ANXA10: variants seen among roughly 807,000 people sequenced by gnomAD.
The protein encoded by ANXA10 is annexin A10, also known as annexin 14.
Under a neutral mutation model 53.5 loss-of-function variants are expected in ANXA10, and 49 were observed. The ratio of observed to expected loss-of-function variants is 0.92; its 90% CI spans 0.73 to 1.16. ANXA10 has a LOEUF of 1.16. Among genes scored for constraint, ANXA10 ranks in the 50% most tolerant of loss-of-function variants. The pLI is 0.00. For missense variants in ANXA10, 393 were observed against 394.4 expected (o/e 1.00, Z 0.03); for synonymous variants, 131 against 128.9 (o/e 1.02, Z -0.11).
chr4:168,149,879 T>G (rs1363899822), intron 3 of ANXA10, among the ~76,000 whole-genome samples: 1 of 152,210 alleles, frequency 6.6e-6, no homozygotes, highest in Non-Finnish European at 1.5e-5. Flanking sequence ...TTTCTTCTAG[T>G]TCACGCTGCT....
chr4:168,163,711 G>T (rs1197281538), intron 4 of ANXA10, among the ~76,000 whole-genome samples: 3 of 152,048 alleles, frequency 2.0e-5, no homozygotes, highest in Non-Finnish European at 4.4e-5. Flanking sequence ...GTCTGCAAGA[G>T]ACCACAGAAA....
chr4:168,156,580 T>A (rs1731688027), intron 3 of ANXA10, among the ~76,000 whole-genome samples: 1 of 150,732 alleles, frequency 6.6e-6, no homozygotes, highest in East Asian at 2.0e-4. Context: ...CTCAGCTCAC[T>A]GCAAGCTCTG....
chr4:168,106,008 T>C (rs1730714741), intron 1 of ANXA10, among the ~76,000 whole-genome samples: 1 of 152,132 alleles, frequency 6.6e-6, no homozygotes, highest in Admixed American at 6.5e-5. Context: ...TTTGTAGATA[T>C]GTTTAAGTTG....
intron 8 of ANXA10, chr4:168,178,254 T>C (rs557130646): frequency 2.4e-5 from 10 of 408,788 alleles, no homozygotes; most frequent in South Asian, 5.2e-5. Flanking sequence ...TATTCAAATA[T>C]ATTAGCTGTT....
intron 1 of ANXA10, among the ~76,000 whole-genome samples, chr4:168,096,452 A>G (rs535964446): frequency 6.6e-6 from 1 of 152,252 alleles, no homozygotes; most frequent in African/African-American, 2.4e-5. Context: ...TGGATTGGAA[A>G]AATTAAATTT....
chr4:168,154,909 T>C (rs1367819437), intron 3 of ANXA10, among the ~76,000 whole-genome samples: 1 of 152,208 alleles, frequency 6.6e-6, no homozygotes, highest in African/African-American at 2.4e-5. Flanking sequence ...TAAATGCTAG[T>C]TGTTATGATA....
chr4:168,175,082 A>C (rs1299157216), intron 6 of ANXA10, among the ~76,000 whole-genome samples: 1 of 152,202 alleles, frequency 6.6e-6, no homozygotes, highest in Non-Finnish European at 1.5e-5. Flanking sequence ...TCAAAGACTG[A>C]CTACTTGGAC....
intron 6 of ANXA10, among the ~76,000 whole-genome samples, chr4:168,166,631 C>CGTGTGTGTGTGTGTGTGTGTGT: frequency 7.3e-6 from 1 of 136,796 alleles, no homozygotes; most frequent in South Asian, 2.5e-4. Context: ...TTTTGTGTTT[C>CGTGTGTGTGTGTGTGTGTGTGT]GTGTGTGTGT....
At chr4:168,175,839 C>T (rs532054665) in intron 6 of ANXA10, among the ~76,000 whole-genome samples, 50 of 152,274 alleles carry the variant, frequency 3.3e-4, no homozygotes, top group African/African-American at 1.0e-3. Context: ...CAGGGCTACA[C>T]ATTTATGCAA....
intron 11 of ANXA10, among the ~76,000 whole-genome samples, chr4:168,186,853 T>C (rs184529376): frequency 6.6e-6 from 1 of 152,220 alleles, no homozygotes; most frequent in East Asian, 1.9e-4. Context: ...TGCTTCTCAG[T>C]TTTTCACTAT....
At position 168,101,892 on chromosome 4, in the gene ANXA10, C is replaced by T. The variant is rs146283890; in HGVS notation, c.18+9174C>T. The stretch of plus-strand genomic sequence containing the variant: ...TCTACCATCTATCTTCATACTAATA[C>T]CTCCAATCTAATCAACAACACCGTT... On this transcript the variant is annotated intron_variant, in intron 1 of 11. Coordinates refer to ENST00000359299, the MANE Select transcript of ANXA10 (RefSeq NM_007193.5). Among the ~76,000 whole-genome samples the T allele has an allele frequency of 2.6e-5, 4 of 152,180 alleles. No individual in the cohort carries two copies. In the East Asian group the frequency reaches 7.7e-4, roughly 29 times the overall value.
intron 3 of ANXA10, among the ~76,000 whole-genome samples, chr4:168,146,303 T>C (rs1181505295): frequency 1.3e-5 from 2 of 152,166 alleles, no homozygotes; most frequent in East Asian, 3.9e-4. Flanking sequence ...TGGGCCACAG[T>C]GATGTGGCGG....
chr4:168,177,106 C>T (rs1403466915), intron 6 of ANXA10, among the ~76,000 whole-genome samples: 1 of 152,098 alleles, frequency 6.6e-6, no homozygotes, highest in Admixed American at 6.6e-5. Context: ...CCAAAAGAAA[C>T]AGTTAATTAG....
chr4:168,168,097 C>T (rs1731915576), intron 6 of ANXA10, among the ~76,000 whole-genome samples: 7 of 152,288 alleles, frequency 4.6e-5, no homozygotes, highest in African/African-American at 1.7e-4. Flanking sequence ...ATTTCTCAAG[C>T]TCACAGGAAG....
At chr4:168,112,429 A>G (rs1027239237) in intron 1 of ANXA10, among the ~76,000 whole-genome samples, 1 of 152,236 alleles carries the variant, frequency 6.6e-6, no homozygotes, top group African/African-American at 2.4e-5. Context: ...GAAAAGTACA[A>G]GAAGAGCACT....
chr4:168,113,841 G>T (rs946445181), intron 1 of ANXA10, among the ~76,000 whole-genome samples: 23 of 152,104 alleles, frequency 1.5e-4, no homozygotes, highest in African/African-American at 5.5e-4. Flanking sequence ...TCTTCCCTTT[G>T]CTTTTTTACA....
chr4:168,144,238 G>A (rs1392982985), intron 3 of ANXA10, among the ~76,000 whole-genome samples: 2 of 152,056 alleles, frequency 1.3e-5, no homozygotes, highest in African/African-American at 4.8e-5. Context: ...CCAGGCTGGA[G>A]TGCACTGCCG....
At chr4:168,144,392 G>A (rs1056095969) in intron 3 of ANXA10, among the ~76,000 whole-genome samples, 8 of 152,098 alleles carry the variant, frequency 5.3e-5, no homozygotes, top group African/African-American at 1.9e-4. Context: ...TTGCCATGTT[G>A]GCCAGGCTGG....
At chr4:168,144,442 C>T (rs1731375753) in intron 3 of ANXA10, among the ~76,000 whole-genome samples, 2 of 152,218 alleles carry the variant, frequency 1.3e-5, no homozygotes, top group African/African-American at 4.8e-5. Flanking sequence ...CTACCTTGGC[C>T]TCCCAAAGTG....
Sources: gnomAD v4.1 joint callset for allele counts (sites outside exome capture counted in the v4.1 genomes callset) on GRCh38, gnomAD v4.1.1 for gene constraint, MANE v1.5 for transcripts, NCBI Gene and HGNC (gene_info 2026-07-23, HGNC 2026-07-21) for gene names.